Variants in POLA1 observed in about 807,000 individuals in gnomAD.
POLA1 encodes DNA polymerase alpha catalytic subunit.
In POLA1, 15 loss-of-function variants were observed where a neutral mutation model predicts 124.0. The ratio of observed to expected loss-of-function variants is 0.12; its 90% CI spans 0.08 to 0.19. POLA1 has a LOEUF of 0.19. Among genes scored for constraint, POLA1 ranks in the 10% least tolerant of loss-of-function variants. The pLI, the probability that POLA1 is intolerant of heterozygous loss-of-function variation, is 1.00. For missense variants in POLA1, 886 were observed against 1,103.4 expected, an observed-to-expected ratio of 0.80 and a Z score of 2.79; for synonymous variants, 408 against 389.4, an observed-to-expected ratio of 1.05 and a Z score of -0.56.
At chrX:24,911,684 T>G in intron 35 of POLA1, among the ~76,000 whole-genome samples, 1 of 111,146 alleles carries the variant, frequency 9.0e-6, no homozygotes, top group Middle Eastern at 4.6e-3. Context: ...GAAAGATCAA[T>G]AAAATTGATA....
chrX:24,782,178 T>G (rs1010902228), intron 26 of POLA1, among the ~76,000 whole-genome samples: 1 of 112,061 alleles, frequency 8.9e-6, no homozygotes, highest in Non-Finnish European at 1.9e-5. Context: ...ACTGAGAGAT[T>G]AGTGCATTTT....
chrX:24,736,263 C>G (rs1403500969), intron 18 of POLA1, among the ~76,000 whole-genome samples: 1 of 112,001 alleles, frequency 8.9e-6, no homozygotes, highest in African/African-American at 3.2e-5. Context: ...GATACCTTAT[C>G]TGGCAACTGT....
At chrX:24,826,776 C>T (rs957085934) in intron 32 of POLA1, among the ~76,000 whole-genome samples, 175 bp downstream of exon 32, 4 of 111,881 alleles carry the variant, frequency 3.6e-5, no homozygotes, top group African/African-American at 1.3e-4. Context: ...AGACTATGAG[C>T]TCCACATACT....
chrX:24,828,557 C>A (rs752532824), intron 32 of POLA1, among the ~76,000 whole-genome samples: 2 of 111,878 alleles, frequency 1.8e-5, no homozygotes, highest in African/African-American at 3.3e-5. Context: ...TGTACTCCCC[C>A]CCGCTCTCCA....
At chrX:24,756,562 CA>C (rs1332137846) in intron 26 of POLA1, among the ~76,000 whole-genome samples, 98 of 91,536 alleles carry the variant, frequency 1.1e-3, no homozygotes, top group Admixed American at 3.2e-3. Context: ...GACTCCATCT[CA>C]AAAAAAAAAA....
intron 2 of POLA1, among the ~76,000 whole-genome samples, chrX:24,701,857 G>A (rs1471011003): frequency 4.6e-5 from 5 of 109,086 alleles, no homozygotes; most frequent in Non-Finnish European, 7.6e-5. Flanking sequence ...AGGTTCAAGC[G>A]ATTCTCCTGC....
intron 36 of POLA1, among the ~76,000 whole-genome samples, chrX:24,952,134 A>G: frequency 1.8e-5 from 2 of 112,110 alleles, no homozygotes; most frequent in South Asian, 7.4e-4. Context: ...AAATGTGGCA[A>G]CTTCACATGG....
At chrX:24,957,328 C>T (rs979321618) in intron 36 of POLA1, among the ~76,000 whole-genome samples, 1 of 111,645 alleles carries the variant, frequency 9.0e-6, no homozygotes, top group Non-Finnish European at 1.9e-5. Context: ...GCTTTGTTAA[C>T]CAAAACTGGG....
chrX:24,890,129 C>T (rs1462350261), intron 35 of POLA1, among the ~76,000 whole-genome samples: 1 of 107,439 alleles, frequency 9.3e-6, no homozygotes, highest in Non-Finnish European at 1.9e-5. Flanking sequence ...ACTCTGTTGC[C>T]CAGGCTGGAA....
At chrX:24,852,568 C>G (rs183258962) in intron 34 of POLA1, among the ~76,000 whole-genome samples, 1 of 111,769 alleles carries the variant, frequency 8.9e-6, no homozygotes, top group Admixed American at 9.5e-5. Flanking sequence ...CCTTGAACTC[C>G]CAAAGTGCTG....
intron 4 of POLA1, among the ~76,000 whole-genome samples, chrX:24,709,554 G>T (rs1299498617): frequency 1.9e-5 from 2 of 107,283 alleles, no homozygotes; most frequent in Non-Finnish European, 3.9e-5. Flanking sequence ...CTTCCCAGAT[G>T]GGGTGGCTGC....
chrX:24,915,904 T>C (rs2047522806), intron 35 of POLA1, among the ~76,000 whole-genome samples: 1 of 112,128 alleles, frequency 8.9e-6, no homozygotes, highest in South Asian at 3.7e-4. Flanking sequence ...CGGTGTGTAC[T>C]GACTAATGTG....
rs780776165 is a variant in POLA1, at chrX:24,804,186, A to G, written c.2965-5712A>G. ...AATCCATAGCCCATATTTCTTGAACATTTTTAGAGGAAGACACAAATCTAA... is the reference window on the plus strand; with the variant it reads ...AATCCATAGCCCATATTTCTTGAACGTTTTTAGAGGAAGACACAAATCTAA... On this transcript the variant is annotated intron_variant, in intron 26 of 36. Coordinates refer to ENST00000379068, the MANE Select transcript of POLA1 (RefSeq NM_001330360.2). Among the ~76,000 whole-genome samples, 10 of 110,773 alleles carry G rather than the reference A, an allele frequency of 9.0e-5. No individual in the cohort carries two copies. In the South Asian group the frequency reaches 1.1e-3, roughly 13 times the overall value.
At chrX:24,928,297 G>C (rs937370883) in intron 35 of POLA1, among the ~76,000 whole-genome samples, 1 of 111,636 alleles carries the variant, frequency 9.0e-6, no homozygotes. Context: ...GTTGTCACTC[G>C]TTTGCTTCAG....
intron 36 of POLA1, among the ~76,000 whole-genome samples, chrX:24,982,538 G>A (rs989077872): frequency 1.8e-5 from 2 of 110,728 alleles, no homozygotes; most frequent in Non-Finnish European, 3.8e-5. Flanking sequence ...GGAAATAGCA[G>A]GAGAGTGAGT....
intron 2 of POLA1, among the ~76,000 whole-genome samples, chrX:24,700,660 C>T (rs533847549): frequency 1.8e-5 from 2 of 111,610 alleles, no homozygotes; most frequent in African/African-American, 6.5e-5. Context: ...AGGCGCCCAC[C>T]ACCACGCCTG....
Position 24,756,364 on chromosome X carries a change from T to A in POLA1, c.2964+7372T>A, listed in dbSNP as rs764210255. 1.4e-4 allele frequency among the ~76,000 whole-genome samples: 15 copies of A among 109,710 alleles called. No homozygotes were observed. The East Asian group carries it at 4.0e-3, about 29-fold the overall frequency. On this transcript the variant is annotated intron_variant, in intron 26 of 36. Transcript: ENST00000379068. ...ATCACCTGAGGTCAGGAGTTCAAGA[T>A]CAGCCTGGCCAACATGGTGAAACCC...
At chrX:24,792,266 C>T (rs984302845) in intron 26 of POLA1, among the ~76,000 whole-genome samples, 1 of 111,367 alleles carries the variant, frequency 9.0e-6, no homozygotes, top group African/African-American at 3.3e-5. Context: ...GTTAAGCACC[C>T]CCCTCCCCAA....
rs767424640 is a variant in POLA1, at chrX:24,745,525, G to C, written c.2674G>C (p.Ala892Pro). The C allele has an allele frequency of 2.6e-6, 3 of 1,168,475 alleles. No homozygotes were observed. The highest frequency in any genetic ancestry group is 3.5e-6 in the Non-Finnish European group (3 of 862,778). ...AACAGTACAAAGAGTTGCTTCAGAG[G>C]CACAGAAAGTTACAGAGGTTTGTAT... is the stretch of plus-strand genomic sequence containing the variant. Reference protein sequence around the residue: ...FTTVQRVASEAQKVTEDGEQE... With the variant: ...FTTVQRVASEPQKVTEDGEQE... The change falls in exon 24 of 37, where the codon GCA becomes CCA. Residue 892 changes from alanine (A) to proline (P), a missense_variant. By Grantham distance (27) the Ala-to-Pro change is conservative. This residue lies in a region of POLA1 where 182 missense variants were observed against 252.8 expected (regional missense o/e 0.72). Transcript: ENST00000379068.
Sources: gnomAD v4.1 joint callset for allele counts (sites outside exome capture counted in the v4.1 genomes callset) on GRCh38, gnomAD v4.1.1 for gene constraint, gnomAD v4.1.1 regional missense constraint, MANE v1.5 for transcripts, NCBI Gene and HGNC (gene_info 2026-07-23, HGNC 2026-07-21) for gene names.